Variants in ITGAD observed in about 807,000 individuals in gnomAD.
ITGAD encodes the protein integrin alpha-D.
ITGAD carries 105 observed loss-of-function variants against 139.0 expected under a neutral mutation model. That is an observed-to-expected ratio of 0.76 (90% CI 0.65 to 0.89). The LOEUF (loss-of-function observed/expected upper bound fraction) is 0.89. Ranked by LOEUF, ITGAD falls within the 40% of genes least tolerant of loss-of-function variation. The pLI, the probability that ITGAD is intolerant of heterozygous loss-of-function variation, is 0.00. For synonymous variants in ITGAD, 569 were observed against 598.3 expected (o/e 0.95, Z 0.71); for missense variants, 1,384 against 1,487.3 (o/e 0.93, Z 1.14).
rs554226052 is a variant in ITGAD at position 31,410,271 on chromosome 16, T to C, written c.1084-124T>C. On this transcript the variant is annotated intron_variant, in intron 10 of 29. Transcript: ENST00000389202. ...CAGGCAGAGGCACAGAGGCTGCTGG[T>C]GCGGGCCGGGAAGACAGAGAAGAAA... 526 of 1,331,622 alleles carry C rather than the reference T, an allele frequency of 4.0e-4. 3 individuals carry two copies. The highest frequency in any genetic ancestry group is 5.3e-4 in the Non-Finnish European group (505 of 959,498). 82.5% of individuals were successfully genotyped at this position (1,331,622 alleles called of 1,614,324 possible).
intron 16 of ITGAD, 129 bp downstream of exon 16, chr16:31,413,375 C>A: frequency 1.0e-6 from 1 of 985,066 alleles, no homozygotes; most frequent in East Asian, 2.6e-5. Context: ...TGCCAGAAAC[C>A]TGGCTCATTC....
chr16:31,396,341 C>T (rs2081263294), intron 2 of ITGAD, among the ~76,000 whole-genome samples: 1 of 152,188 alleles, frequency 6.6e-6, no homozygotes, highest in South Asian at 2.1e-4. Context: ...GGCGTGATGG[C>T]AGGTGCCTGT....
chr16:31,410,243 G>A, intron 10 of ITGAD, 152 bp from the exon 11 acceptor site: 1 of 1,003,494 alleles, frequency 1.0e-6, no homozygotes, highest in Non-Finnish European at 1.5e-6. Flanking sequence ...GTGGCTGTGG[G>A]GACAGGCAGA....
At chr16:31,422,962 A>T in intron 23 of ITGAD, 152 bp from the exon 24 acceptor site, 1 of 662,882 alleles carries the variant, frequency 1.5e-6, no homozygotes, top group South Asian at 1.7e-5. Context: ...AAGTGCTGGG[A>T]TTACAGGCAT....
At chr16:31,424,435 T>G (rs1345439677) in intron 28 of ITGAD, 32 bp from the exon 29 acceptor site, 1 of 1,562,382 alleles carries the variant, frequency 6.4e-7, no homozygotes, top group Non-Finnish European at 8.8e-7. Context: ...TGGGATGGCA[T>G]GAGGCCGGAT....
intron 6 of ITGAD, 114 bp downstream of exon 6, chr16:31,402,359 T>A: frequency 2.1e-6 from 2 of 968,644 alleles, no homozygotes; most frequent in South Asian, 1.6e-5. Context: ...GGGGCTGGGG[T>A]GGAGAATGAA....
rs775156983 is a variant in ITGAD, at chr16:31,407,609, GA to G, written c.801del (p.Glu267AspfsTer34). Reference protein sequence around the residue: ...TDGQKYKDPLEYSDVIPQAEK... With the variant: ...TDGQKYKDPLXYSDVIPQAEK... ...TGGGCAGAAGTACAAAGACCCCCTG[GA>G]ATACAGTGATGTCATCCCCCAGGCA... On this transcript the variant is annotated frameshift_variant, in exon 8 of 30. Coordinates refer to ENST00000389202, the MANE Select transcript of ITGAD (RefSeq NM_005353.3). LOFTEE classifies it high-confidence loss of function. The G allele has an allele frequency of 1.2e-6, 2 of 1,614,100 alleles. No homozygotes were observed. Among genetic ancestry groups the G allele is most frequent in the Non-Finnish European group, 1.7e-6 (2 of 1,179,986 alleles).
intron 23 of ITGAD, among the ~76,000 whole-genome samples, chr16:31,419,332 CTTT>C (rs2081964154): frequency 1.3e-5 from 2 of 152,132 alleles, no homozygotes; most frequent in Non-Finnish European, 2.9e-5. Context: ...AACTCATTGC[CTTT>C]TTTATGTCTA....
At position 31,403,756 on chromosome 16, in the gene ITGAD, C is replaced by T; in HGVS notation, c.704+111C>T. 1 of 1,393,744 alleles carries T rather than the reference C, an allele frequency of 7.2e-7. No individual in the cohort carries two copies. Among genetic ancestry groups the T allele is most frequent in the South Asian group, 1.3e-5 (1 of 77,174 alleles). 86.3% of individuals were successfully genotyped at this position (1,393,744 alleles called of 1,614,324 possible). ...AGGGAGGCTCCAGGGAAAGGGGCTA[C>T]CAAGGGGCATGTCGGGGCTGCAGGG... is the stretch of plus-strand genomic sequence containing the variant. On this transcript the variant is annotated intron_variant, in intron 7 of 29. Transcript: ENST00000389202. The surrounding 1 kb of genome is among the most constrained non-coding windows in gnomAD (Gnocchi z 4.4).
chr16:31,417,604 T>C (rs1014928290), intron 20 of ITGAD, among the ~76,000 whole-genome samples: 1 of 152,096 alleles, frequency 6.6e-6, no homozygotes, highest in Non-Finnish European at 1.5e-5. Context: ...TTTTAAAAAA[T>C]TTTTTGTATG....
intron 23 of ITGAD, among the ~76,000 whole-genome samples, chr16:31,422,366 C>T (rs1045166272): frequency 6.6e-6 from 1 of 152,156 alleles, no homozygotes; most frequent in African/African-American, 2.4e-5. Flanking sequence ...GGTGGAAAGA[C>T]CCCACCTGCT....
intron 29 of ITGAD, 69 bp downstream of exon 29, chr16:31,424,646 G>A: frequency 2.9e-6 from 3 of 1,024,430 alleles, no homozygotes; most frequent in Non-Finnish European, 4.3e-6. Flanking sequence ...TGCCCAGGCT[G>A]GAGTGCAATG....
At chr16:31,422,617 T>C (rs2082029551) in intron 23 of ITGAD, among the ~76,000 whole-genome samples, 1 of 152,108 alleles carries the variant, frequency 6.6e-6, no homozygotes, top group East Asian at 1.9e-4. Context: ...GAGAAAGCAA[T>C]GCAAACGCCT....
chr16:31,410,932 G>A, intron 12 of ITGAD, 54 bp downstream of exon 12: 2 of 1,601,932 alleles, frequency 1.2e-6, no homozygotes, highest in East Asian at 4.5e-5. Flanking sequence ...GATGAGGGTG[G>A]GGACAGTGGC....
intron 11 of ITGAD, 80 bp from the exon 12 acceptor site, chr16:31,410,656 G>T (rs539883360): frequency 1.3e-6 from 2 of 1,544,340 alleles, no homozygotes; most frequent in East Asian, 2.3e-5. Context: ...GGGAGATGGG[G>T]GCTGCGCTGC....
At chr16:31,408,047 C>T (rs1227644493) in intron 9 of ITGAD, 131 bp downstream of exon 9, 12 of 914,436 alleles carry the variant, frequency 1.3e-5, no homozygotes, top group Non-Finnish European at 1.9e-5. Context: ...TCTCGGCTCA[C>T]TGCAACCTCT....
rs146328410 is a variant in ITGAD at position 31,423,371 on chromosome 16, G to A, written c.2879G>A (p.Arg960Gln). ...HRYRVNNLSQ[R>Q]DLAISINFWV... Reference sequence around the variant, plus strand: ...CTGCAGGTGAATAACCTCAGCCAGCGAGATCTGGCCATCAGCATTAACTTC... The same window carrying A: ...CTGCAGGTGAATAACCTCAGCCAGCAAGATCTGGCCATCAGCATTAACTTC... Residue 960 changes from arginine to glutamine, a missense_variant, in exon 25 of 30, where the codon CGA (arginine) becomes CAA (glutamine). By Grantham distance (43) the Arg-to-Gln change is conservative. Coordinates refer to ENST00000389202, the MANE Select transcript of ITGAD (RefSeq NM_005353.3). The A allele has an allele frequency of 7.2e-5, 116 of 1,614,040 alleles. No individual in the cohort carries two copies. The Middle Eastern group carries it at 1.5e-3, about 21-fold the overall frequency.
chr16:31,407,051 G>T (rs1265463299), intron 7 of ITGAD, among the ~76,000 whole-genome samples: 12 of 152,044 alleles, frequency 7.9e-5, no homozygotes, highest in Non-Finnish European at 1.6e-4. Context: ...GGTTTGTGTG[G>T]CTTTCAAAAA....
rs569245714 is a variant in ITGAD, at chr16:31,413,092, T to C, written c.1842T>C (p.Ser614=). 1 of 1,613,712 alleles carries C rather than the reference T, an allele frequency of 6.2e-7. No homozygotes were observed. The highest frequency in any genetic ancestry group is 1.1e-5 in the South Asian group (1 of 91,070). Reference sequence around the variant, plus strand: ...TCCCCACTACTCTGCCCCTCAGGAGTCTGCCGGTGCTGAAAGTGGGGGTGG... The same window carrying C: ...TCCCCACTACTCTGCCCCTCAGGAGCCTGCCGGTGCTGAAAGTGGGGGTGG... ...GARGQVLLLR[S]LPVLKVGVAM... is the part of the protein sequence containing the mutation. Residue 614 remains serine, a synonymous_variant, in exon 16 of 30, where the codon AGT becomes AGC. Transcript: ENST00000389202.
Sources: allele counts gnomAD v4.1 joint callset (sites outside exome capture counted in the v4.1 genomes callset), GRCh38; gene constraint gnomAD v4.1.1; non-coding constraint Gnocchi (gnomAD v3.1); transcripts MANE v1.5; gene names NCBI Gene and HGNC (gene_info 2026-07-23, HGNC 2026-07-21).